Variants in CD5 observed in about 807,000 individuals in gnomAD.
CD5 encodes the protein T-cell surface glycoprotein CD5.
In CD5, 36 loss-of-function variants were observed where a neutral mutation model predicts 60.3. That is an observed-to-expected ratio of 0.60 (90% CI 0.46 to 0.79). The LOEUF is 0.79. Among genes scored for constraint, CD5 ranks in the 30% least tolerant of loss-of-function variants. The pLI, the probability that CD5 is intolerant of heterozygous loss-of-function variation, is 0.00. For synonymous variants in CD5, 230 were observed against 257.6 expected (o/e 0.89, Z 1.03); for missense variants, 540 against 630.6 (o/e 0.86, Z 1.54).
Position 61,121,705 on chromosome 11 carries a change from G to A in CD5, c.900G>A (p.Leu300=), listed in dbSNP as rs762527246. ...EVRQGAQWAA[L]CDSSSARSSL... is the part of the protein sequence containing the mutation. Reference sequence around the variant, plus strand: ...GCCAGGGGGCTCAGTGGGCAGCCCTGTGTGACAGCTCTTCAGCCAGGAGCT... The same window carrying A: ...GCCAGGGGGCTCAGTGGGCAGCCCTATGTGACAGCTCTTCAGCCAGGAGCT... Residue 300 remains leucine, a synonymous_variant, in exon 6 of 11, where the codon CTG becomes CTA. Transcript: ENST00000347785. 7 of 1,608,086 alleles carry A rather than the reference G, an allele frequency of 4.4e-6. No individual in the cohort carries two copies. The East Asian group carries it at 1.6e-4, about 36-fold the overall frequency.
chr11:61,118,290 G>A lies in CD5; in HGVS notation c.210G>A (p.Gln70=). ...AGAGCTGGGGCCGGAGCTCCAAGCA[G>A]TGGGAGGACCCCAGTCAAGCGTCAA... ...CSQSWGRSSK[Q]WEDPSQASKV... Residue 70 remains glutamine, a synonymous_variant, in exon 3 of 11, where the codon CAG becomes CAA. Transcript: ENST00000347785. This position sits in a 1 kb window ranked among gnomAD's most constrained non-coding sequence, Gnocchi z 4.7. The A allele has an allele frequency of 1.2e-6, 2 of 1,614,284 alleles. No homozygotes were observed. The highest frequency in any genetic ancestry group is 8.5e-7 in the Non-Finnish European group (1 of 1,180,056).
At chr11:61,104,936 G>T (rs1283185216) in intron 1 of CD5, among the ~76,000 whole-genome samples, 1 of 152,252 alleles carries the variant, frequency 6.6e-6, no homozygotes, top group Non-Finnish European at 1.5e-5. Flanking sequence ...TCCGTGTGCA[G>T]GAAAATGGCC....
chr11:61,122,984 CTGCTGGTCGTG>C lies in CD5; in HGVS notation c.1181_1191del (p.Leu394ArgfsTer45). The C allele has an allele frequency of 6.2e-7, 1 of 1,614,088 alleles. No homozygotes were observed. The highest frequency in any genetic ancestry group is 8.5e-7 in the Non-Finnish European group (1 of 1,179,954). On this transcript the variant is annotated frameshift_variant, in exon 7 of 11. Coordinates refer to ENST00000347785, the MANE Select transcript of CD5 (RefSeq NM_014207.4). LOFTEE classifies it high-confidence loss of function. ...CCTGGCCCTGGTGCTCCTGGTGGTG[CTGCTGGTCGTG>C]TGCGGCCCCCTTGCCTACAAGAAGC...
intron 6 of CD5, 130 bp downstream of exon 6, chr11:61,122,034 G>C (rs1322132988): frequency 1.4e-6 from 1 of 735,432 alleles, no homozygotes; most frequent in African/African-American, 1.8e-5. Flanking sequence ...CAGAAAGGAT[G>C]GAGACAGGGA....
At position 61,125,053 on chromosome 11, in the gene CD5, C is replaced by A; in HGVS notation, c.1301C>A (p.Thr434Lys). The change falls in exon 9 of 11, where the codon ACG becomes AAG. Residue 434 changes from threonine to lysine, a missense_variant. By Grantham distance (78) the Thr-to-Lys change is moderately conservative. Transcript: ENST00000347785. ...NQNMSFHRNH[T>K]ATVRSHAENP... ...CCAGTGTCTTTCCATCGCAACCACA[C>A]GGCAACCGTCCGATCCCATGCTGAG... is the stretch of plus-strand genomic sequence containing the variant. 2 of 1,614,060 alleles carry A rather than the reference C, an allele frequency of 1.2e-6. No homozygotes were observed. Among genetic ancestry groups the A allele is most frequent in the Non-Finnish European group, 1.7e-6 (2 of 1,179,952 alleles).
intron 1 of CD5, among the ~76,000 whole-genome samples, chr11:61,113,548 T>C (rs922373559): frequency 6.6e-6 from 1 of 152,250 alleles, no homozygotes; most frequent in African/African-American, 2.4e-5. Flanking sequence ...TCTTTGAGCT[T>C]GGTCTTCTCC....
At chr11:61,120,086 C>T (rs138654765) in intron 5 of CD5, among the ~76,000 whole-genome samples, 1 of 152,182 alleles carries the variant, frequency 6.6e-6, no homozygotes, top group Non-Finnish European at 1.5e-5. Flanking sequence ...CCCAAGAGGG[C>T]TCTGCAGAGG....
Position 61,118,952 on chromosome 11 carries a change from G to C in CD5, c.438G>C (p.Pro146=), listed in dbSNP as rs753011554. 1.9e-6 allele frequency: 3 copies of C among 1,613,612 alleles called. No individual in the cohort carries two copies. Among genetic ancestry groups the C allele is most frequent in the Middle Eastern group, 1.7e-4 (1 of 6,058 alleles). ...QKTTPPTTRP[P]PTTTPEPTAP... ...CAACACCTCCAACGACAAGGCCCCCGCCCACCACAACTCCAGAGCCCACAG... is the reference window on the plus strand; with the variant it reads ...CAACACCTCCAACGACAAGGCCCCCCCCCACCACAACTCCAGAGCCCACAG... Residue 146 remains proline, a synonymous_variant, in exon 4 of 11, where the codon CCG becomes CCC. Transcript: ENST00000347785. This position sits in a 1 kb window ranked among gnomAD's most constrained non-coding sequence, Gnocchi z 4.7.
Position 61,118,098 on chromosome 11 carries a change from C to A in CD5, c.95-77C>A. The A allele has an allele frequency of 1.4e-6, 2 of 1,481,118 alleles. No homozygotes were observed. Among genetic ancestry groups the A allele is most frequent in the Non-Finnish European group, 9.3e-7 (1 of 1,080,652 alleles). 91.7% of individuals were successfully genotyped at this position (1,481,118 alleles called of 1,614,324 possible). A position where few individuals can be genotyped will look rare whatever the true frequency, so the allele number is the denominator to read the frequency against. The stretch of plus-strand genomic sequence containing the variant: ...GCAGGAGGGAGCTCAACTGGGCGTC[C>A]TAGGGAGAGGGCAGTGAGGGGTGCC... On this transcript the variant is annotated intron_variant, in intron 2 of 10. Transcript: ENST00000347785. The surrounding 1 kb of genome is among the most constrained non-coding windows in gnomAD (Gnocchi z 4.7).
At chr11:61,102,443 C>CCCCCCCCCCCT, upstream of CD5, 2 of 528,260 alleles carry the variant, frequency 3.8e-6, no homozygotes, top group East Asian at 4.2e-5. Context: ...CTCCCCGTCC[C>CCCCCCCCCCCT]ACCCCTCCCT....
intron 1 of CD5, among the ~76,000 whole-genome samples, chr11:61,105,440 T>C (rs1023925202): frequency 3.3e-5 from 5 of 152,182 alleles, no homozygotes; most frequent in African/African-American, 9.7e-5. Flanking sequence ...CAGTACCTCA[T>C]AGAGGCTTAT....
At chr11:61,125,345 C>T (rs1463816829) in intron 9 of CD5, among the ~76,000 whole-genome samples, 194 bp downstream of exon 9, 4 of 152,332 alleles carry the variant, frequency 2.6e-5, no homozygotes, top group South Asian at 2.1e-4. Flanking sequence ...CCAGCTGTCC[C>T]GTTTGAGACC....
intron 10 of CD5, 36 bp downstream of exon 10, chr11:61,125,877 G>C: frequency 6.7e-7 from 1 of 1,497,250 alleles, no homozygotes; most frequent in Non-Finnish European, 9.2e-7. Context: ...AGCACCCCAG[G>C]GTCCCCCACA....
chr11:61,123,013 C>T lies in CD5; in HGVS notation c.1206C>T (p.Tyr402=). The part of the protein sequence containing the change: ...VLLVVCGPLA[Y]KKLVKKFRQK... Reference sequence around the variant, plus strand: ...TGGTCGTGTGCGGCCCCCTTGCCTACAAGAAGCTAGTGAAGAAATGTAGGT... The same window carrying T: ...TGGTCGTGTGCGGCCCCCTTGCCTATAAGAAGCTAGTGAAGAAATGTAGGT... The change falls in exon 7 of 11, where the codon TAC becomes TAT. Residue 402 remains tyrosine (Y), a synonymous_variant. Coordinates refer to ENST00000347785, the MANE Select transcript of CD5 (RefSeq NM_014207.4). 6 of 1,613,224 alleles carry T rather than the reference C, an allele frequency of 3.7e-6. No individual in the cohort carries two copies. Among genetic ancestry groups the T allele is most frequent in the Non-Finnish European group, 4.2e-6 (5 of 1,179,608 alleles).
At chr11:61,099,505 A>ACACACACATCAACATGGAGAT (rs1860628706), upstream of CD5, among the ~76,000 whole-genome samples, 1 of 151,070 alleles carries the variant, frequency 6.6e-6, no homozygotes, top group African/African-American at 2.4e-5. Flanking sequence ...TGGAGATCAC[A>ACACACACATCAACATGGAGAT]CACACACATC....
At chr11:61,114,155 C>T (rs890836045) in intron 1 of CD5, among the ~76,000 whole-genome samples, 1 of 152,166 alleles carries the variant, frequency 6.6e-6, no homozygotes, top group African/African-American at 2.4e-5. Flanking sequence ...CTCTGTCACC[C>T]AGCTAGAGTG....
At chr11:61,097,744 C>T (rs911011774), upstream of CD5, among the ~76,000 whole-genome samples, 2 of 152,066 alleles carry the variant, frequency 1.3e-5, no homozygotes, top group African/African-American at 2.4e-5. Context: ...GATGAATGGC[C>T]GCCCCCTGAG....
In CD5 at chr11:61,118,161, T is replaced by C. The variant is rs566579520; in HGVS notation, c.95-14T>C. ...CTCCCAGCCTGACCCCCACCACACC[T>C]TTCTGACCCCCAGATTTCCAGGCAA... On this transcript the variant is annotated splice_polypyrimidine_tract_variant and intron_variant, in intron 2 of 10. Transcript: ENST00000347785. This position sits in a 1 kb window ranked among gnomAD's most constrained non-coding sequence, Gnocchi z 4.7. 1 of 1,609,930 alleles carries C rather than the reference T, an allele frequency of 6.2e-7. No individual in the cohort carries two copies. The highest frequency in any genetic ancestry group is 2.2e-5 in the East Asian group (1 of 44,796).
chr11:61,121,553 C>A (rs996311159), intron 5 of CD5, 58 bp from the exon 6 acceptor site: 15 of 1,367,344 alleles, frequency 1.1e-5, no homozygotes, highest in Non-Finnish European at 1.2e-5. Context: ...CCCCAGGAAG[C>A]AGCACACAGG....
Sources: allele counts gnomAD v4.1 joint callset (sites outside exome capture counted in the v4.1 genomes callset), GRCh38; gene constraint gnomAD v4.1.1; non-coding constraint Gnocchi (gnomAD v3.1); transcripts MANE v1.5; gene names NCBI Gene and HGNC (gene_info 2026-07-23, HGNC 2026-07-21).